The following NOD1 variants were observed in gnomAD, a reference collection of about 807,000 sequenced individuals.
The protein encoded by NOD1 is nucleotide-binding oligomerization domain-containing protein 1.
Under a neutral mutation model 81.2 loss-of-function variants are expected in NOD1, and 70 were observed. The observed-to-expected ratio is 0.86, with a 90% confidence interval of 0.71 to 1.05. The LOEUF is 1.05. Ranked by LOEUF, NOD1 falls within the 50% of genes least tolerant of loss-of-function variation. The pLI is 0.00. For missense variants in NOD1, 1,233 were observed against 1,228.0 expected (o/e 1.00, Z -0.06); for synonymous variants, 508 against 526.9 (o/e 0.96, Z 0.49).
rs1034217179 is a variant in NOD1 at position 30,424,571 on chromosome 7, G to C, written c.*1067C>G. 1 of 152,074 alleles carries C rather than the reference G, an allele frequency of 6.6e-6. No homozygotes were observed. The highest frequency in any genetic ancestry group is 1.5e-5 in the Non-Finnish European group (1 of 68,014). The allele number at this position is 152,074 out of a possible 1,614,324, so 9.4% of individuals were successfully genotyped here. On this transcript the variant is annotated 3_prime_UTR_variant, in exon 14 of 14. Transcript: ENST00000222823. ...TTATTAACAAATGAGCTGGCAAGAG[G>C]ACAAGTGATCTAGTAGTATCACCCC...
In NOD1 at chr7:30,452,285, G is replaced by A. The variant is rs374099968; in HGVS notation, c.1132C>T (p.Leu378=). 2.8e-4 allele frequency: 454 copies of A among 1,613,422 alleles called. No individual in the cohort carries two copies. The highest frequency in any genetic ancestry group is 1.3e-3 in the South Asian group (120 of 91,088). Reference sequence around the variant, plus strand: ...CTGCAGAGGTTGGGGTTGGCCTCCAGCTGGCTCAGCAGGCGGTCCTGCAGG... The same window carrying A: ...CTGCAGAGGTTGGGGTTGGCCTCCAACTGGCTCAGCAGGCGGTCCTGCAGG... ...RALQDRLLSQ[L]EANPNLCSLC... Residue 378 remains leucine (L), a synonymous_variant, in exon 6 of 14, where the codon CTG becomes TTG. Coordinates refer to ENST00000222823, the MANE Select transcript of NOD1 (RefSeq NM_006092.4).
In NOD1 at chr7:30,456,998, G is replaced by T; in HGVS notation, c.-77C>A. 7.9e-7 allele frequency: 1 copy of T among 1,265,488 alleles called. No individual in the cohort carries two copies. Among genetic ancestry groups the T allele is most frequent in the Non-Finnish European group, 1.2e-6 (1 of 869,056 alleles). The allele number at this position is 1,265,488 out of a possible 1,614,324, so 78.4% of individuals were successfully genotyped here. ...GTCCTCTCAGCAGAAGGGCAATCAG[G>T]ATTCAGGCCGCGCCCTCCAGGGCCC... On this transcript the variant is annotated 5_prime_UTR_variant, in exon 4 of 14. Coordinates refer to ENST00000222823, the MANE Select transcript of NOD1 (RefSeq NM_006092.4).
intron 1 of NOD1, among the ~76,000 whole-genome samples, chr7:30,466,018 TTC>T (rs1451447322): frequency 6.6e-6 from 1 of 152,214 alleles, no homozygotes. Context: ...CTCTGACCAC[TTC>T]TTGAAGTGAG....
At chr7:30,449,020 C>T (rs1785410125) in intron 6 of NOD1, among the ~76,000 whole-genome samples, 1 of 152,180 alleles carries the variant, frequency 6.6e-6, no homozygotes, top group South Asian at 2.1e-4. Context: ...GCTCTGTGGG[C>T]CATGTGGTCT....
intron 6 of NOD1, among the ~76,000 whole-genome samples, chr7:30,449,457 T>C (rs903000800): frequency 6.6e-6 from 1 of 152,090 alleles, no homozygotes; most frequent in Non-Finnish European, 1.5e-5. Flanking sequence ...CAAGAAGTGT[T>C]CTTAAAAGAT....
Position 30,452,945 on chromosome 7 carries a change from TCTC to T in NOD1, c.469_471del (p.Glu157del), listed in dbSNP as rs774774738. The T allele has an allele frequency of 9.3e-6, 15 of 1,613,748 alleles. No individual in the cohort carries two copies. The highest frequency in any genetic ancestry group is 1.6e-4 in the Middle Eastern group (1 of 6,084). On this transcript the variant is annotated inframe_deletion, in exon 6 of 14. Coordinates refer to ENST00000222823, the MANE Select transcript of NOD1 (RefSeq NM_006092.4). ...AGCTCCATGATGGTGTCCATGTAGA[TCTC>T]CTCCAGCAGCAGCTCCTCCTTCTGG... is the stretch of plus-strand genomic sequence containing the variant.
In NOD1 at chr7:30,454,233, T is replaced by C. The variant is rs542713335; in HGVS notation, c.376+904A>G. Among the ~76,000 whole-genome samples the C allele has an allele frequency of 8.5e-5, 13 of 152,340 alleles. 1 individual carries two copies. The highest frequency in any genetic ancestry group is 2.4e-4 in the African/African-American group (10 of 41,566). On this transcript the variant is annotated intron_variant, in intron 5 of 13. Coordinates refer to ENST00000222823, the MANE Select transcript of NOD1 (RefSeq NM_006092.4). ...GATTCTTTAAAAGGCAGGACTTAGG[T>C]CCTTGGTGCTGGTATGTTACCAACA...
intron 4 of NOD1, 86 bp from the exon 5 acceptor site, chr7:30,455,397 G>A: frequency 1.8e-6 from 2 of 1,101,936 alleles, no homozygotes; most frequent in Non-Finnish European, 2.6e-6. Context: ...TCAGGGCAGG[G>A]CTCTGAGTTC....
intron 3 of NOD1, among the ~76,000 whole-genome samples, chr7:30,458,736 TTTTC>T (rs1359579817): frequency 7.0e-6 from 1 of 141,868 alleles, no homozygotes; most frequent in Non-Finnish European, 1.5e-5. Context: ...TAATCCAGCC[TTTTC>T]TTTTTTTTTT....
chr7:30,468,974 G>A (rs891437228), intron 1 of NOD1: 15 of 985,350 alleles, frequency 1.5e-5, no homozygotes, highest in Middle Eastern at 5.2e-4. Context: ...ATGAAGCCAT[G>A]CCAACAGCAT....
intron 9 of NOD1, 85 bp downstream of exon 9, chr7:30,446,056 G>C: frequency 9.9e-7 from 1 of 1,008,798 alleles, no homozygotes; most frequent in South Asian, 1.3e-5. Flanking sequence ...TCCTTCTGGT[G>C]TACTGATGTA....
chr7:30,429,341 G>A lies in NOD1; in HGVS notation c.2789+33C>T, dbSNP rs769071103. On this transcript the variant is annotated intron_variant, in intron 13 of 13. Transcript: ENST00000222823. ...AGTGGTGGTGAGTAAACAGTCACTGGTGTTATTACTGTGACAAACGCTGGG... is the reference window on the plus strand; with the variant it reads ...AGTGGTGGTGAGTAAACAGTCACTGATGTTATTACTGTGACAAACGCTGGG... 4 of 1,538,632 alleles carry A rather than the reference G, an allele frequency of 2.6e-6. No individual in the cohort carries two copies. The Admixed American group carries it at 5.0e-5, about 19-fold the overall frequency.
intron 1 of NOD1, among the ~76,000 whole-genome samples, chr7:30,461,117 G>A (rs1019098558): frequency 6.6e-6 from 1 of 152,184 alleles, no homozygotes; most frequent in African/African-American, 2.4e-5. Context: ...TAATTTCAAT[G>A]ATATATTTTA....
chr7:30,455,374 C>T, intron 4 of NOD1, 63 bp from the exon 5 acceptor site: 2 of 1,405,498 alleles, frequency 1.4e-6, no homozygotes, highest in Middle Eastern at 2.0e-4. Flanking sequence ...ACCATAAGGA[C>T]CCTCAGGCAG....
intron 1 of NOD1, among the ~76,000 whole-genome samples, chr7:30,466,489 A>G (rs1260885640): frequency 1.3e-5 from 2 of 152,180 alleles, no homozygotes; most frequent in Non-Finnish European, 2.9e-5. Flanking sequence ...GATATGAGGA[A>G]GAAATCAACC....
chr7:30,451,922 G>A lies in NOD1; in HGVS notation c.1495C>T (p.Arg499Trp), dbSNP rs778928159. Residue 499 changes from arginine (R) to tryptophan (W), a missense_variant, in exon 6 of 14, where the codon CGG (arginine) becomes TGG (tryptophan). By Grantham distance (101) the Arg-to-Trp change is moderately radical. Transcript: ENST00000222823. This position sits in a 1 kb window ranked among gnomAD's most constrained non-coding sequence, Gnocchi z 4.2. ...QERDMQLGFL[R>W]ALPELGPGGD... Reference sequence around the variant, plus strand: ...CCGGGGCCCAGCTCCGGCAAAGCCCGCAGGAAGCCCAGCTGCATGTCTCTC... The same window carrying A: ...CCGGGGCCCAGCTCCGGCAAAGCCCACAGGAAGCCCAGCTGCATGTCTCTC... 60 of 1,613,414 alleles carry A rather than the reference G, an allele frequency of 3.7e-5. No homozygotes were observed. Among genetic ancestry groups the A allele is most frequent in the Admixed American group, 2.0e-4 (12 of 60,006 alleles).
At chr7:30,438,138 C>A (rs750807491) in intron 9 of NOD1, among the ~76,000 whole-genome samples, 7 of 152,210 alleles carry the variant, frequency 4.6e-5, no homozygotes, top group Non-Finnish European at 8.8e-5. Context: ...CAGGAAGTAC[C>A]TTCAGAAACC....
In NOD1 at chr7:30,467,063, C is replaced by T. The variant is rs184492260; in HGVS notation, c.-351-7022G>A. On this transcript the variant is annotated intron_variant, in intron 1 of 13. Transcript: ENST00000222823. The surrounding 1 kb of genome is among the most constrained non-coding windows in gnomAD (Gnocchi z 4.5). ...AGCCGACCAGTGATGAAAAAGAACA[C>T]GGTGGAGCTGCATGTACTGACATAG... Among the ~76,000 whole-genome samples, 6 of 152,286 alleles carry T rather than the reference C, an allele frequency of 3.9e-5. No homozygotes were observed. In the East Asian group the frequency reaches 5.8e-4, roughly 15 times the overall value.
At chr7:30,474,539 A>G (rs112558641) in intron 1 of NOD1, among the ~76,000 whole-genome samples, 4,110 of 152,314 alleles carry the variant, frequency 0.027, 198 homozygotes, top group African/African-American at 0.094. Context: ...TCAGGCATTA[A>G]ATTCTCATAA....
Sources: gnomAD v4.1 joint callset for allele counts (sites outside exome capture counted in the v4.1 genomes callset) on GRCh38, gnomAD v4.1.1 for gene constraint, Gnocchi (gnomAD v3.1) non-coding constraint, MANE v1.5 for transcripts, NCBI Gene and HGNC (gene_info 2026-07-23, HGNC 2026-07-21) for gene names.